Variants in C1D observed in about 807,000 individuals in gnomAD.
C1D encodes C1D nuclear receptor corepressor.
Under a neutral mutation model 17.5 loss-of-function variants are expected in C1D, and 10 were observed. The ratio of observed to expected loss-of-function variants is 0.57; its 90% CI spans 0.35 to 0.97. The LOEUF (loss-of-function observed/expected upper bound fraction) is 0.97, where lower values mean the gene tolerates loss of function less well. Among genes scored for constraint, C1D ranks in the 50% least tolerant of loss-of-function variants. The probability of loss-of-function intolerance (pLI) is 0.01; values close to 1 mark genes in which losing one functional copy is unlikely to be tolerated. For synonymous variants in C1D, 49 were observed against 54.0 expected (o/e 0.91, Z 0.40); for missense variants, 136 against 160.1 (o/e 0.85, Z 0.81).
Position 68,041,619 on chromosome 2 carries a change from T to C in C1D, c.*1270A>G, listed in dbSNP as rs1468072804. 6.6e-6 allele frequency: 1 copy of C among 152,044 alleles called. No individual in the cohort carries two copies. The highest frequency in any genetic ancestry group is 1.9e-4 in the East Asian group (1 of 5,202). The allele number at this position is 152,044 out of a possible 1,614,324, so 9.4% of individuals were successfully genotyped here. A position where few individuals can be genotyped will look rare whatever the true frequency, so the allele number is the denominator to read the frequency against. ...CTATCAGTGACTTCCTCTTCATGTG[T>C]CATAGAAAGAGTTCAACATGCTTTA... On this transcript the variant is annotated 3_prime_UTR_variant, in exon 5 of 5. Coordinates refer to ENST00000410067, the MANE Select transcript of C1D (RefSeq NM_173177.3).
intron 1 of C1D, among the ~76,000 whole-genome samples, chr2:68,047,597 G>C (rs764326656): frequency 2.0e-5 from 3 of 151,970 alleles, no homozygotes; most frequent in Admixed American, 6.6e-5. Context: ...TTTGAGATGG[G>C]GTCTCCCTCT....
intron 1 of C1D, chr2:68,053,251 C>G (rs1440734075): frequency 5.3e-6 from 8 of 1,509,014 alleles, no homozygotes; most frequent in Non-Finnish European, 7.1e-6. Flanking sequence ...CCCAGTAACC[C>G]TAACAGATGT....
In C1D at chr2:68,042,835, G is replaced by GGGC. The variant is rs1671001362; in HGVS notation, c.*53_*54insGCC. 1 of 149,866 alleles carries GGGC rather than the reference G, an allele frequency of 6.7e-6. No homozygotes were observed. The highest frequency in any genetic ancestry group is 1.7e-4 in the African/African-American group (1 of 6,004). 9.3% of individuals were successfully genotyped at this position (149,866 alleles called of 1,614,324 possible). On this transcript the variant is annotated 3_prime_UTR_variant, in exon 5 of 5. Transcript: ENST00000410067. ...TGCCACAGAATTATTTTGCGGGGGG[G>GGGC]GGGGGGGGGGGGAAGATGTACTTTT...
intron 4 of C1D, among the ~76,000 whole-genome samples, chr2:68,044,707 CAAAAAAAGAA>C (rs1403150455): frequency 4.1e-5 from 6 of 148,102 alleles, no homozygotes; most frequent in African/African-American, 7.5e-5. Flanking sequence ...GACTCCATCT[CAAAAAAAGAA>C]AAAAAAAGAA....
chr2:68,046,498 C>T, intron 2 of C1D, 88 bp from the exon 3 acceptor site: 1 of 896,036 alleles, frequency 1.1e-6, no homozygotes, highest in South Asian at 1.5e-5. Flanking sequence ...TAACATTTGA[C>T]TTTTACCAAG....
In C1D at chr2:68,042,667, A is replaced by G. The variant is rs1479085183; in HGVS notation, c.*222T>C. Reference sequence around the variant, plus strand: ...ATAAGAGTCTCATCAAGAGATGGTAAATTATAAATATATAATATATCACAA... The same window carrying G: ...ATAAGAGTCTCATCAAGAGATGGTAGATTATAAATATATAATATATCACAA... On this transcript the variant is annotated 3_prime_UTR_variant, in exon 5 of 5. Coordinates refer to ENST00000410067, the MANE Select transcript of C1D (RefSeq NM_173177.3). The G allele has an allele frequency of 3.4e-6, 1 of 296,220 alleles. No homozygotes were observed. Among genetic ancestry groups the G allele is most frequent in the African/African-American group, 2.2e-5 (1 of 45,518 alleles). 18.3% of individuals were successfully genotyped at this position (296,220 alleles called of 1,614,324 possible).
At chr2:68,058,100 T>C (rs765074008) in intron 1 of C1D, among the ~76,000 whole-genome samples, 1 of 152,248 alleles carries the variant, frequency 6.6e-6, no homozygotes, top group Non-Finnish European at 1.5e-5. Flanking sequence ...AGTTCCTTTA[T>C]TTATCCCTGA....
intron 4 of C1D, among the ~76,000 whole-genome samples, chr2:68,045,779 T>A (rs1184882510): frequency 6.6e-6 from 1 of 151,912 alleles, no homozygotes; most frequent in African/African-American, 2.4e-5. Context: ...AATCGTAACA[T>A]TTTCCCATTC....
chr2:68,046,032 T>C lies in C1D; in HGVS notation c.217A>G (p.Thr73Ala). The change falls in exon 4 of 5, where the codon ACC (threonine) becomes GCC (alanine). Residue 73 changes from threonine to alanine, a missense_variant. Thr to Ala is a moderately conservative substitution (Grantham distance 58, BLOSUM62 0). Transcript: ENST00000410067. ...TGTTCCTTAGGATTAACTCCTTGGG[T>C]TGCCAAATAAACTACAAGAGAAAAA... is the stretch of plus-strand genomic sequence containing the variant. ...LNSMFWVYLA[T>A]QGVNPKEHPV... 6 of 1,587,232 alleles carry C rather than the reference T, an allele frequency of 3.8e-6. No individual in the cohort carries two copies. The highest frequency in any genetic ancestry group is 5.1e-6 in the Non-Finnish European group (6 of 1,167,218).
chr2:68,057,311 G>C (rs1671468392), intron 1 of C1D, among the ~76,000 whole-genome samples: 1 of 140,022 alleles, frequency 7.1e-6, no homozygotes, highest in South Asian at 2.3e-4. Context: ...ACCACACCTT[G>C]CTATTTTTTT....
At chr2:68,057,888 G>A (rs189897948) in intron 1 of C1D, among the ~76,000 whole-genome samples, 2 of 152,248 alleles carry the variant, frequency 1.3e-5, no homozygotes, top group Admixed American at 6.5e-5. Flanking sequence ...TGGTACAAAA[G>A]CCTCCTCTGG....
chr2:68,057,649 T>C (rs3770653), intron 1 of C1D, among the ~76,000 whole-genome samples: 2 of 152,190 alleles, frequency 1.3e-5, no homozygotes, highest in African/African-American at 4.8e-5. Context: ...GAATAAAATA[T>C]GTAACATATT....
At chr2:68,046,131 G>C in intron 3 of C1D, 88 bp from the exon 4 acceptor site, 4 of 985,168 alleles carry the variant, frequency 4.1e-6, no homozygotes, top group Non-Finnish European at 6.0e-6. Context: ...CACAAAAAAG[G>C]AAAGTCCTAC....
At chr2:68,058,509 G>A (rs4671871) in intron 1 of C1D, among the ~76,000 whole-genome samples, 15,845 of 152,090 alleles carry the variant, frequency 0.1, 982 homozygotes, top group Admixed American at 0.19. Flanking sequence ...CTCTACGACT[G>A]GGCACTAATA....
At position 68,041,246 on chromosome 2, in the gene C1D, A is replaced by C. The variant is rs1670951156; in HGVS notation, c.*1643T>G. ...TGAAAGAATTACTCACTTAAAAGTT[A>C]CACAATTTAACAGAACGTAGAGGTG... is the stretch of plus-strand genomic sequence containing the variant. On this transcript the variant is annotated 3_prime_UTR_variant, in exon 5 of 5. Transcript: ENST00000410067. The C allele has an allele frequency of 6.6e-6, 1 of 152,080 alleles. No individual in the cohort carries two copies. The highest frequency in any genetic ancestry group is 6.5e-5 in the Admixed American group (1 of 15,272). 9.4% of individuals were successfully genotyped at this position (152,080 alleles called of 1,614,324 possible). A position where few individuals can be genotyped will look rare whatever the true frequency, so the allele number is the denominator to read the frequency against.
chr2:68,060,024 C>A (rs1246199412), intron 1 of C1D, among the ~76,000 whole-genome samples: 2 of 152,136 alleles, frequency 1.3e-5, no homozygotes, highest in Admixed American at 6.6e-5. Context: ...AACTGAACTC[C>A]GAATCTTCCC....
chr2:68,045,416 C>T (rs1022003702), intron 4 of C1D, among the ~76,000 whole-genome samples: 4 of 151,914 alleles, frequency 2.6e-5, no homozygotes, highest in Non-Finnish European at 4.4e-5. Flanking sequence ...TCCAAGATAC[C>T]AGACCTTATA....
chr2:68,042,587 T>TAG lies in C1D; in HGVS notation c.*301_*302insCT, dbSNP rs1265887227. 5.5e-6 allele frequency: 1 copy of TAG among 182,742 alleles called. No individual in the cohort carries two copies. Among genetic ancestry groups the TAG allele is most frequent in the Non-Finnish European group, 1.2e-5 (1 of 85,990 alleles). 11.3% of individuals were successfully genotyped at this position (182,742 alleles called of 1,614,324 possible). On this transcript the variant is annotated 3_prime_UTR_variant, in exon 5 of 5. Transcript: ENST00000410067. ...AAATGTTTACAAAGAACATTTCACT[T>TAG]AAATTTCACAGCTGCTTATAAAATG...
In C1D at chr2:68,042,914, G is replaced by T. The variant is rs1401687286; in HGVS notation, c.401C>A (p.Ala134Asp). 6 of 1,506,896 alleles carry T rather than the reference G, an allele frequency of 4.0e-6. No individual in the cohort carries two copies. Among genetic ancestry groups the T allele is most frequent in the Non-Finnish European group, 5.4e-6 (6 of 1,120,672 alleles). 93.3% of individuals were successfully genotyped at this position (1,506,896 alleles called of 1,614,324 possible). Reference protein sequence around the residue: ...EPKSKNASKVANKGKSKS With the variant: ...EPKSKNASKVDNKGKSKS The stretch of plus-strand genomic sequence containing the variant: ...TTAACTTTTACTTTTTCCTTTATTG[G>T]CAACTTTTGATGCATTTTTCGATTT... Residue 134 changes from alanine (A) to aspartate (D), a missense_variant, in exon 5 of 5, where the codon GCC becomes GAC. Physicochemically the swap from Ala to Asp is moderately radical, Grantham distance 126 (BLOSUM62 -2). Transcript: ENST00000410067.
Sources: gnomAD v4.1 joint callset for allele counts (sites outside exome capture counted in the v4.1 genomes callset) on GRCh38, gnomAD v4.1.1 for gene constraint, MANE v1.5 for transcripts, NCBI Gene and HGNC (gene_info 2026-07-23, HGNC 2026-07-21) for gene names.